Variants in CBFA2T3 observed in about 807,000 individuals in gnomAD.
CBFA2T3 encodes the protein CBFA2/RUNX1 partner transcriptional co-repressor 3.
CBFA2T3 carries 31 observed loss-of-function variants against 58.6 expected under a neutral mutation model. The observed-to-expected ratio is 0.53, with a 90% CI of 0.40 to 0.71. The LOEUF (loss-of-function observed/expected upper bound fraction) is 0.71. Among genes scored for constraint, CBFA2T3 ranks in the 30% least tolerant of loss-of-function variants. The pLI is 0.00. For missense variants in CBFA2T3, 1,076 were observed against 963.1 expected (o/e 1.12, Z -1.55); for synonymous variants, 531 against 421.9 (o/e 1.26, Z -3.17).
intron 7 of CBFA2T3, chr16:88,884,789 G>A (rs748129781): frequency 1.8e-4 from 74 of 414,768 alleles, no homozygotes; most frequent in Non-Finnish European, 2.6e-4. Flanking sequence ...CGCCAAGCTC[G>A]GATGAGAACC....
intron 1 of CBFA2T3, among the ~76,000 whole-genome samples, chr16:88,946,783 G>A (rs768730185): frequency 9.2e-5 from 14 of 151,948 alleles, no homozygotes; most frequent in Non-Finnish European, 1.6e-4. Context: ...TTCTGGCTGA[G>A]TTTTTTTGTT....
intron 1 of CBFA2T3, among the ~76,000 whole-genome samples, chr16:88,912,817 G>A (rs1241759374): frequency 1.3e-5 from 2 of 152,202 alleles, no homozygotes; most frequent in African/African-American, 2.4e-5. Flanking sequence ...GGCTTGAATC[G>A]AGGCCTGTCC....
Position 88,880,889 on chromosome 16 carries a change from T to C in CBFA2T3, c.1403-101A>G, listed in dbSNP as rs987426770. ...CTGGGCCCTGAGTGCAGGGCGTGAG[T>C]GTGTGCGTCCCTGGGGGGAGGCCCA... On this transcript the variant is annotated intron_variant, in intron 9 of 11. Transcript: ENST00000268679. 9.0e-6 allele frequency: 10 copies of C among 1,112,040 alleles called. No individual in the cohort carries two copies. In the African/African-American group the frequency reaches 1.5e-4, roughly 17 times the overall value. 68.9% of individuals were successfully genotyped at this position (1,112,040 alleles called of 1,614,324 possible).
chr16:88,975,120 G>GATCCTCTGCTCCTGACCTCCA (rs1567643739), intron 1 of CBFA2T3, among the ~76,000 whole-genome samples: 44 of 108,078 alleles, frequency 4.1e-4, no homozygotes, highest in Admixed American at 8.2e-4. Context: ...AGGCCACCCT[G>GATCCTCTGCTCCTGACCTCCA]GCCCTCTGCT....
chr16:88,886,268 G>A, intron 5 of CBFA2T3, 126 bp from the exon 6 acceptor site: 1 of 593,028 alleles, frequency 1.7e-6, no homozygotes, highest in South Asian at 2.7e-5. Context: ...AAAGGTCAAG[G>A]TGCTCGACCT....
intron 1 of CBFA2T3, chr16:88,941,063 A>T: frequency 2.0e-6 from 2 of 984,376 alleles, no homozygotes; most frequent in Non-Finnish European, 2.4e-6. Context: ...GACGGCGCAC[A>T]CTCGCGACTC....
At chr16:88,895,198 G>T (rs1052113212) in intron 3 of CBFA2T3, among the ~76,000 whole-genome samples, 7 of 152,230 alleles carry the variant, frequency 4.6e-5, no homozygotes, top group Non-Finnish European at 8.8e-5. Flanking sequence ...ACCCTCCAGA[G>T]GGCACTGACC....
chr16:88,910,908 C>T (rs984195051), intron 1 of CBFA2T3, among the ~76,000 whole-genome samples: 4 of 147,782 alleles, frequency 2.7e-5, no homozygotes, highest in Admixed American at 1.4e-4. Context: ...GCCTCCAGGG[C>T]TGTGCCAAGT....
At chr16:88,892,973 C>T (rs964403870) in intron 3 of CBFA2T3, among the ~76,000 whole-genome samples, 2 of 152,322 alleles carry the variant, frequency 1.3e-5, no homozygotes, top group South Asian at 4.1e-4. Flanking sequence ...CCCTACCAGG[C>T]TGGCTCAGGT....
chr16:88,903,113 G>A (rs961316160), intron 1 of CBFA2T3, among the ~76,000 whole-genome samples: 3 of 152,210 alleles, frequency 2.0e-5, no homozygotes, highest in Admixed American at 2.0e-4. Flanking sequence ...CATTCCCGGG[G>A]CCCCAGCACC....
intron 3 of CBFA2T3, among the ~76,000 whole-genome samples, chr16:88,894,506 CAT>C (rs1230905875): frequency 7.8e-6 from 1 of 128,664 alleles, no homozygotes; most frequent in Non-Finnish European, 1.6e-5. Context: ...TGCACACACA[CAT>C]GCACACACAC....
chr16:88,962,735 T>C (rs1428215028), intron 1 of CBFA2T3, among the ~76,000 whole-genome samples: 1 of 152,154 alleles, frequency 6.6e-6, no homozygotes, highest in Non-Finnish European at 1.5e-5. Flanking sequence ...GCCACGAACA[T>C]GGGTGTCTTT....
intron 1 of CBFA2T3, among the ~76,000 whole-genome samples, chr16:88,943,436 C>T (rs562234910): frequency 6.6e-6 from 1 of 152,346 alleles, no homozygotes; most frequent in Non-Finnish European, 1.5e-5. Context: ...ACTGAAGATA[C>T]CACTGCAGCC....
intron 3 of CBFA2T3, among the ~76,000 whole-genome samples, chr16:88,896,540 C>T (rs561258240): frequency 6.6e-6 from 1 of 152,080 alleles, no homozygotes; most frequent in Non-Finnish European, 1.5e-5. Context: ...ACCGCGCTGC[C>T]GAGTTTCCCT....
rs1567573949 is a variant in CBFA2T3, at chr16:88,881,333, GGGCCGC to G, written c.1354_1359del (p.Ala452_Ala453del). 2 of 1,581,248 alleles carry G rather than the reference GGGCCGC, an allele frequency of 1.3e-6. No individual in the cohort carries two copies. Among genetic ancestry groups the G allele is most frequent in the Admixed American group, 1.8e-5 (1 of 56,650 alleles). Reference sequence around the variant, plus strand: ...GGACCGGCGGAGCTGCTGCGGGGCCGGGCCGCGGCGGGAGCGGGGCCCTTCTTTGTG... The same window carrying G: ...GGACCGGCGGAGCTGCTGCGGGGCCGGGCGGGAGCGGGGCCCTTCTTTGTG... On this transcript the variant is annotated inframe_deletion, in exon 9 of 12. Transcript: ENST00000268679.
Position 88,956,367 on chromosome 16 carries a change from C to G in CBFA2T3, c.151+20290G>C, listed in dbSNP as rs547834826. ...CACCCGCCGGGTCCCCGGGACACAG[C>G]GTGTCCGCCTGCTCTTCCCCAGGGG... is the stretch of plus-strand genomic sequence containing the variant. On this transcript the variant is annotated intron_variant, in intron 1 of 11. Transcript: ENST00000268679. Among the ~76,000 whole-genome samples, 193 of 152,396 alleles carry G rather than the reference C, an allele frequency of 1.3e-3. 3 individuals are homozygous for G. In the South Asian group the frequency reaches 0.019, roughly 15 times the overall value.
intron 1 of CBFA2T3, among the ~76,000 whole-genome samples, chr16:88,911,750 G>A (rs550136533): frequency 3.9e-5 from 6 of 152,384 alleles, no homozygotes; most frequent in East Asian, 1.9e-4. Flanking sequence ...CGGCCACAAC[G>A]GCCGCGTGGA....
At chr16:88,957,131 A>G (rs900456275) in intron 1 of CBFA2T3, among the ~76,000 whole-genome samples, 2 of 152,198 alleles carry the variant, frequency 1.3e-5, no homozygotes, top group African/African-American at 4.8e-5. Flanking sequence ...GCCCACGGGC[A>G]GCTGCCCAGC....
Position 88,976,930 on chromosome 16 carries a change from A to G in CBFA2T3, c.-123T>C. On this transcript the variant is annotated 5_prime_UTR_variant, in exon 1 of 12. Transcript: ENST00000268679. ...GGCTGGGCCAGCTGGGGCGTCCTGG[A>G]GTTGGGCCTCTGTCCCTGGAAAGCC... 2 of 1,251,916 alleles carry G rather than the reference A, an allele frequency of 1.6e-6. No individual in the cohort carries two copies. Among genetic ancestry groups the G allele is most frequent in the Non-Finnish European group, 1.1e-6 (1 of 919,346 alleles). 77.6% of individuals were successfully genotyped at this position (1,251,916 alleles called of 1,614,324 possible).
Sources: gnomAD v4.1 joint callset for allele counts (sites outside exome capture counted in the v4.1 genomes callset) on GRCh38, gnomAD v4.1.1 for gene constraint, MANE v1.5 for transcripts, NCBI Gene and HGNC (gene_info 2026-07-23, HGNC 2026-07-21) for gene names.